SHANK2: variants seen among roughly 807,000 people sequenced by gnomAD.
SHANK2 encodes SH3 and multiple ankyrin repeat domains protein 2.
Under a neutral mutation model 133.7 loss-of-function variants are expected in SHANK2, and 43 were observed. The ratio of observed to expected loss-of-function variants is 0.32; its 90% CI spans 0.25 to 0.41. SHANK2 has a LOEUF of 0.41. SHANK2 is among the 10% of genes least tolerant of loss of function. The probability of loss-of-function intolerance (pLI) is 1.00; values close to 1 mark genes in which losing one functional copy is unlikely to be tolerated. For missense variants in SHANK2, 1,994 were observed against 2,235.8 expected (o/e 0.89, Z 2.18); for synonymous variants, 1,017 against 952.8 (o/e 1.07, Z -1.24).
In SHANK2 at chr11:70,903,095, G is replaced by A. The variant is rs1319929635; in HGVS notation, c.1108-6528C>T. On this transcript the variant is annotated intron_variant, in intron 10 of 25. Transcript: ENST00000601538. Reference sequence around the variant, plus strand: ...GCTTACACCTAACATTAAGTTAGCCGGCTGGACTCAGTGGCTCATGCCTGT... The same window carrying A: ...GCTTACACCTAACATTAAGTTAGCCAGCTGGACTCAGTGGCTCATGCCTGT... Among the ~76,000 whole-genome samples the A allele has an allele frequency of 2.0e-5, 3 of 152,118 alleles. 1 individual carries two copies. Among genetic ancestry groups the A allele is most frequent in the Non-Finnish European group, 1.5e-5 (1 of 68,036 alleles).
At chr11:70,929,359 T>C (rs1950471512) in intron 10 of SHANK2, among the ~76,000 whole-genome samples, 1 of 152,198 alleles carries the variant, frequency 6.6e-6, no homozygotes, top group Non-Finnish European at 1.5e-5. Flanking sequence ...CACGTGAGTG[T>C]CAGTTCCCTG....
chr11:70,625,291 G>A (rs1191500325), intron 17 of SHANK2, among the ~76,000 whole-genome samples: 1 of 152,172 alleles, frequency 6.6e-6, no homozygotes, highest in Non-Finnish European at 1.5e-5. Context: ...TTGGTGTCCC[G>A]AGTCTTTGCT....
chr11:70,604,574 T>G (rs1377274110), intron 17 of SHANK2: 1 of 151,906 alleles, frequency 6.6e-6, no homozygotes, highest in Admixed American at 6.6e-5. Context: ...TCCTGGTGAG[T>G]GGTTGCTGTG....
At position 70,898,140 on chromosome 11, in the gene SHANK2, A is replaced by T. The variant is rs201286454; in HGVS notation, c.1108-1573T>A. ...ACCATGTCTGGCTAATTAAAAAAAA[A>T]TTTTTTTTTTTGGTAGAGACAGGGT... On this transcript the variant is annotated intron_variant, in intron 10 of 25. Transcript: ENST00000601538. Among the ~76,000 whole-genome samples, 101 of 147,094 alleles carry T rather than the reference A, an allele frequency of 6.9e-4. No individual in the cohort carries two copies. The South Asian group carries it at 9.6e-3, about 14-fold the overall frequency.
Position 71,079,228 on chromosome 11 carries a change from C to G in SHANK2, c.913-3953G>C, listed in dbSNP as rs942385463. Reference sequence around the variant, plus strand: ...CACTGAGCAAACCCAACAAAATGACCGCCCCAAAATCTTCAAAACAGTCAC... The same window carrying G: ...CACTGAGCAAACCCAACAAAATGACGGCCCCAAAATCTTCAAAACAGTCAC... On this transcript the variant is annotated intron_variant, in intron 8 of 25. Transcript: ENST00000601538. 5.5e-4 allele frequency among the ~76,000 whole-genome samples: 83 copies of G among 152,264 alleles called. No individual in the cohort carries two copies. The South Asian group carries it at 0.013, about 25-fold the overall frequency.
chr11:70,880,037 C>T (rs1473225685), intron 11 of SHANK2, among the ~76,000 whole-genome samples: 1 of 152,244 alleles, frequency 6.6e-6, no homozygotes, highest in Non-Finnish European at 1.5e-5. Flanking sequence ...CTGTGCAGCT[C>T]TCCAGTGCGA....
chr11:71,067,755 C>T (rs1188736244), intron 9 of SHANK2, among the ~76,000 whole-genome samples: 10 of 151,994 alleles, frequency 6.6e-5, no homozygotes, highest in African/African-American at 2.2e-4. Flanking sequence ...CTATCACCGT[C>T]GCCACCATCA....
intron 10 of SHANK2, chr11:70,948,310 C>T (rs1950782240): frequency 2.2e-6 from 1 of 457,218 alleles, no homozygotes. Flanking sequence ...CTAATGTGCA[C>T]TTCCAGAGAG....
intron 11 of SHANK2, among the ~76,000 whole-genome samples, chr11:70,829,223 C>T (rs1948691052): frequency 1.3e-5 from 2 of 152,164 alleles, no homozygotes; most frequent in African/African-American, 4.8e-5. Flanking sequence ...TGTCAAAGGA[C>T]CAAGAAGAGG....
At chr11:71,140,161 A>G (rs1467087280) in intron 3 of SHANK2, among the ~76,000 whole-genome samples, 1 of 152,172 alleles carries the variant, frequency 6.6e-6, no homozygotes, top group Admixed American at 6.5e-5. Context: ...GAGAGCTCAC[A>G]CCCGGGGGAT....
At chr11:70,783,348 G>A (rs973522997) in intron 14 of SHANK2, among the ~76,000 whole-genome samples, 3 of 152,132 alleles carry the variant, frequency 2.0e-5, no homozygotes, top group African/African-American at 4.8e-5. Context: ...CGTTTACATC[G>A]AGACACAAGG....
rs782217544 is a variant in SHANK2, at chr11:70,685,163, C to CA, written c.1853+13524dup. ...CCCAGAGGCTTGGCGAAAAAACCCC[C>CA]AAAAAACAAAAAACTGGCAAATGAA... On this transcript the variant is annotated intron_variant, in intron 15 of 25. Transcript: ENST00000601538. 2.6e-5 allele frequency among the ~76,000 whole-genome samples: 4 copies of CA among 152,030 alleles called. No individual in the cohort carries two copies. The East Asian group carries it at 5.8e-4, about 22-fold the overall frequency.
At chr11:70,785,926 G>A (rs1481915170) in intron 14 of SHANK2, among the ~76,000 whole-genome samples, 1 of 152,152 alleles carries the variant, frequency 6.6e-6, no homozygotes, top group African/African-American at 2.4e-5. Context: ...AAAGAGGAGG[G>A]GTTCCACTAT....
rs372426168 is a variant in SHANK2, at chr11:70,628,384, C to T, written c.2061+31444G>A. On this transcript the variant is annotated intron_variant, in intron 17 of 25. Transcript: ENST00000601538. ...AGGCTGATGGCACCAAAGTCGGGGGCGGAGAGGGCAGTAAACACATGTGCC... is the reference window on the plus strand; with the variant it reads ...AGGCTGATGGCACCAAAGTCGGGGGTGGAGAGGGCAGTAAACACATGTGCC... Among the ~76,000 whole-genome samples the T allele has an allele frequency of 4.6e-5, 7 of 152,216 alleles. No homozygotes were observed. In the South Asian group the frequency reaches 6.2e-4, roughly 14 times the overall value.
intron 2 of SHANK2, among the ~76,000 whole-genome samples, chr11:71,216,149 G>T (rs370510235): frequency 6.6e-6 from 1 of 152,166 alleles, no homozygotes. Flanking sequence ...ACGAAATCGC[G>T]TCCACACAAA....
intron 14 of SHANK2, among the ~76,000 whole-genome samples, chr11:70,716,134 T>C (rs1945912632): frequency 6.6e-6 from 1 of 151,994 alleles, no homozygotes; most frequent in Non-Finnish European, 1.5e-5. Flanking sequence ...AGGGCCCTCT[T>C]TGTGGTCGGC....
chr11:70,951,040 C>T (rs184602727), intron 10 of SHANK2: 43 of 276,434 alleles, frequency 1.6e-4, no homozygotes, highest in African/African-American at 9.7e-4. Flanking sequence ...CTGGACACTC[C>T]CTTAACTGCA....
intron 14 of SHANK2, among the ~76,000 whole-genome samples, chr11:70,764,898 A>G (rs1947086343): frequency 6.6e-6 from 1 of 152,152 alleles, no homozygotes; most frequent in Non-Finnish European, 1.5e-5. Context: ...TTTTATGCCA[A>G]GTTCTATGCA....
At chr11:70,902,147 A>C (rs1377219254) in intron 10 of SHANK2, among the ~76,000 whole-genome samples, 4 of 152,226 alleles carry the variant, frequency 2.6e-5, no homozygotes, top group African/African-American at 9.6e-5. Flanking sequence ...TGGACAGCAG[A>C]GCAGCAGGCG....
Sources: gnomAD v4.1 joint callset for allele counts (sites outside exome capture counted in the v4.1 genomes callset) on GRCh38, gnomAD v4.1.1 for gene constraint, MANE v1.5 for transcripts, NCBI Gene and HGNC (gene_info 2026-07-23, HGNC 2026-07-21) for gene names.